MATR3: variants seen among roughly 807,000 people sequenced by gnomAD.
MATR3 encodes the protein matrin-3.
A neutral mutation model predicts 85.5 loss-of-function variants in MATR3; 4 were observed. The ratio of observed to expected loss-of-function variants is 0.05; its 90% CI spans 0.02 to 0.11. MATR3 has a LOEUF of 0.11. Ranked by LOEUF, MATR3 falls within the 10% of genes least tolerant of loss-of-function variation. MATR3 has a pLI of 1.00. For synonymous variants in MATR3, 336 were observed against 343.1 expected, an observed-to-expected ratio of 0.98 and a Z score of 0.23; for missense variants, 685 against 1,016.1, an observed-to-expected ratio of 0.67 and a Z score of 4.43.
chr5:139,306,504 TC>T (rs1468695877), intron 1 of MATR3, among the ~76,000 whole-genome samples: 1 of 152,190 alleles, frequency 6.6e-6, no homozygotes, highest in African/African-American at 2.4e-5. Context: ...GGGCTCCTAT[TC>T]CTGTACTGAC....
At chr5:139,316,326 ACCTCTG>A in intron 5 of MATR3, 138 bp downstream of exon 5, 1 of 672,420 alleles carries the variant, frequency 1.5e-6, no homozygotes, top group Non-Finnish European at 2.7e-6. Context: ...ACTCACTGCA[ACCTCTG>A]CCTCCTGGGT....
At position 139,330,537 on chromosome 5, in the gene MATR3, C is replaced by A. The variant is rs552776841; in HGVS notation, c.*1142C>A. 35 of 454,034 alleles carry A rather than the reference C, an allele frequency of 7.7e-5. No homozygotes were observed. Among genetic ancestry groups the A allele is most frequent in the South Asian group, 5.4e-4 (35 of 64,474 alleles). 28.1% of individuals were successfully genotyped at this position (454,034 alleles called of 1,614,324 possible). A position where few individuals can be genotyped will look rare whatever the true frequency, so the allele number is the denominator to read the frequency against. On this transcript the variant is annotated 3_prime_UTR_variant, in exon 15 of 15. Coordinates refer to ENST00000394805, the MANE Select transcript of MATR3 (RefSeq NM_018834.6). ...ATCTAGAGTGAATTCTAAAGACTGCCGCTAAAGATCTGAGTTTTAAAAATG... is the reference window on the plus strand; with the variant it reads ...ATCTAGAGTGAATTCTAAAGACTGCAGCTAAAGATCTGAGTTTTAAAAATG...
At chr5:139,295,621 A>G (rs1754108636) in intron 1 of MATR3, among the ~76,000 whole-genome samples, 1 of 152,126 alleles carries the variant, frequency 6.6e-6, no homozygotes. Context: ...TTTTTTTACT[A>G]ATGCTTTTAG....
At chr5:139,318,504 A>G (rs1298600914) in intron 7 of MATR3, among the ~76,000 whole-genome samples, 1 of 152,134 alleles carries the variant, frequency 6.6e-6, no homozygotes, top group African/African-American at 2.4e-5. Flanking sequence ...GCTGGAGTGC[A>G]GTGAGGTTCA....
chr5:139,326,604 A>T (rs973619218), intron 14 of MATR3, among the ~76,000 whole-genome samples: 1 of 152,004 alleles, frequency 6.6e-6, no homozygotes, highest in African/African-American at 2.4e-5. Flanking sequence ...TATTTTTAGT[A>T]GAAATGGGGT....
intron 4 of MATR3, 84 bp from the exon 5 acceptor site, chr5:139,315,992 A>G (rs1251351142): frequency 9.7e-7 from 1 of 1,032,886 alleles, no homozygotes; most frequent in Admixed American, 1.7e-5. Flanking sequence ...GTGGTCATAT[A>G]TTGGGGTGCT....
chr5:139,287,692 C>A (rs1272327165), intron 3 of MATR3, among the ~76,000 whole-genome samples: 1 of 152,130 alleles, frequency 6.6e-6, no homozygotes, highest in African/African-American at 2.4e-5. Context: ...ACCAGCAATT[C>A]TTGCTTTGAA....
In MATR3 at chr5:139,330,930, A is replaced by G. The variant is rs111689401; in HGVS notation, c.*1535A>G. On this transcript the variant is annotated 3_prime_UTR_variant, in exon 15 of 15. Coordinates refer to ENST00000394805, the MANE Select transcript of MATR3 (RefSeq NM_018834.6). ...CTCAGTCTCCTGAGTAGCTGGGACTACAGGCTCATGCCACTATACCTGGCT... is the reference window on the plus strand; with the variant it reads ...CTCAGTCTCCTGAGTAGCTGGGACTGCAGGCTCATGCCACTATACCTGGCT... 2,323 of 453,982 alleles carry G rather than the reference A, an allele frequency of 5.1e-3. 52 individuals carry two copies. The highest frequency in any genetic ancestry group is 0.043 in the African/African-American group (2,130 of 50,076). The allele number at this position is 453,982 out of a possible 1,614,324, so 28.1% of individuals were successfully genotyped here.
intron 3 of MATR3, 190 bp from the exon 4 acceptor site, chr5:139,315,507 C>G: frequency 1.8e-6 from 1 of 542,988 alleles, no homozygotes; most frequent in East Asian, 3.1e-5. Context: ...AGTTTATTCT[C>G]GTGGATTATT....
At chr5:139,297,269 G>A (rs1222716346) in intron 1 of MATR3, among the ~76,000 whole-genome samples, 2 of 152,192 alleles carry the variant, frequency 1.3e-5, no homozygotes, top group Non-Finnish European at 2.9e-5. Context: ...GGCTGGGAGT[G>A]TAGTTTTGCC....
At chr5:139,297,109 C>G (rs1754195895) in intron 1 of MATR3, among the ~76,000 whole-genome samples, 1 of 152,078 alleles carries the variant, frequency 6.6e-6, no homozygotes. Flanking sequence ...ACCCAGGAGG[C>G]GGAGGTAGCA....
intron 3 of MATR3, among the ~76,000 whole-genome samples, chr5:139,281,734 CCCAGGCTG>C (rs1231637967): frequency 6.6e-6 from 1 of 152,106 alleles, no homozygotes; most frequent in Non-Finnish European, 1.5e-5. Flanking sequence ...TCTGTAAATA[CCCAGGCTG>C]CCAGCTGCCA....
At chr5:139,286,508 T>C (rs1263355266) in intron 3 of MATR3, among the ~76,000 whole-genome samples, 1 of 151,158 alleles carries the variant, frequency 6.6e-6, no homozygotes, top group Non-Finnish European at 1.5e-5. Flanking sequence ...TCTGTAGACC[T>C]CCTCTGTGGA....
Position 139,294,183 on chromosome 5 carries a change from G to GC in MATR3, c.-178+379dup, listed in dbSNP as rs1168839277. On this transcript the variant is annotated intron_variant, in intron 1 of 14. Transcript: ENST00000394805. ...ACGACTAGCCCGTTACACGCGGGCC[G>GC]CGGCGCTGAGGGGGAGGGAGGAGCT... 1.6e-5 allele frequency: 11 copies of GC among 685,002 alleles called. No individual in the cohort carries two copies. In the Admixed American group the frequency reaches 2.6e-4, roughly 16 times the overall value. 42.4% of individuals were successfully genotyped at this position (685,002 alleles called of 1,614,324 possible). A position where few individuals can be genotyped will look rare whatever the true frequency, so the allele number is the denominator to read the frequency against.
intron 14 of MATR3, among the ~76,000 whole-genome samples, chr5:139,326,889 A>T (rs1581263953): frequency 6.6e-6 from 1 of 152,288 alleles, no homozygotes; most frequent in Non-Finnish European, 1.5e-5. Context: ...TACTTTCTCT[A>T]ATTTGAAAGA....
chr5:139,275,142 A>AT (rs750841386), intron 1 of MATR3, among the ~76,000 whole-genome samples: 15,301 of 40,818 alleles, frequency 0.37, 4,573 homozygotes, highest in Non-Finnish European at 0.5. Context: ...CGCCCGGCTA[A>AT]TTTTTTTTTT....
At chr5:139,324,128 T>G (rs1481345078) in intron 12 of MATR3, among the ~76,000 whole-genome samples, 1 of 152,184 alleles carries the variant, frequency 6.6e-6, no homozygotes, top group Non-Finnish European at 1.5e-5. Context: ...TAAGTTTAAA[T>G]TTATTAATTT....
Position 139,321,085 on chromosome 5 carries a change from GA to G in MATR3, c.1603-812del, listed in dbSNP as rs1354981194. Among the ~76,000 whole-genome samples, 3 of 151,762 alleles carry G rather than the reference GA, an allele frequency of 2.0e-5. No individual in the cohort carries two copies. In the East Asian group the frequency reaches 5.9e-4, roughly 30 times the overall value. ...ATTACTTTTTTGCAGAGTGTATATA[GA>G]TGGCTTAGTATTTGGCACTAAAGTG... is the stretch of plus-strand genomic sequence containing the variant. On this transcript the variant is annotated intron_variant, in intron 9 of 14. Coordinates refer to ENST00000394805, the MANE Select transcript of MATR3 (RefSeq NM_018834.6).
chr5:139,275,311 T>C (rs1189419621), intron 1 of MATR3, among the ~76,000 whole-genome samples: 1 of 151,996 alleles, frequency 6.6e-6, no homozygotes, highest in African/African-American at 2.4e-5. Flanking sequence ...ATTTTCGTTA[T>C]TGCTTTTAAT....
Sources: gnomAD v4.1 joint callset for allele counts (sites outside exome capture counted in the v4.1 genomes callset) on GRCh38, gnomAD v4.1.1 for gene constraint, MANE v1.5 for transcripts, NCBI Gene and HGNC (gene_info 2026-07-23, HGNC 2026-07-21) for gene names.